LRRC37A3: variants seen among roughly 807,000 people sequenced by gnomAD.
LRRC37A3 encodes leucine rich repeat containing 37 member A3, also known as leucine-rich repeat-containing protein 37A3.
Under a neutral mutation model 106.2 loss-of-function variants are expected in LRRC37A3, and 25 were observed. That is an observed-to-expected ratio of 0.24 (90% CI 0.17 to 0.33). The LOEUF is 0.33. LRRC37A3 is among the 10% of genes least tolerant of loss of function. The pLI is 1.00. For missense variants in LRRC37A3, 712 were observed against 1,644.9 expected (o/e 0.43, Z 9.81); for synonymous variants, 305 against 635.8 (o/e 0.48, Z 7.83).
At position 64,860,209 on chromosome 17, in the gene LRRC37A3, G is replaced by T. The variant is rs139741056; in HGVS notation, c.3937C>A (p.Arg1313Ser). 32 of 1,613,844 alleles carry T rather than the reference G, an allele frequency of 2.0e-5. No homozygotes were observed. Among genetic ancestry groups the T allele is most frequent in the Non-Finnish European group, 2.7e-5 (32 of 1,179,872 alleles). The change falls in exon 12 of 15, where the codon CGC becomes AGC. Residue 1313 changes from arginine to serine, a missense_variant. By Grantham distance (110) the Arg-to-Ser change is moderately radical. Coordinates refer to ENST00000584306, the MANE Select transcript of LRRC37A3 (RefSeq NM_199340.5). Reference protein sequence around the residue: ...KKYRFHKTRSRMTHRTPKVKK... With the variant: ...KKYRFHKTRSSMTHRTPKVKK... ...ACCTTGGGTGTTCTGTGGGTCATGC[G>T]GGAGCGAGTTTTGTGAAAGCGGTAT... is the stretch of plus-strand genomic sequence containing the variant.
rs762606857 is a variant in LRRC37A3 at position 64,880,766 on chromosome 17, GT to G, written c.2906+5319del. 4.8e-3 allele frequency among the ~76,000 whole-genome samples: 697 copies of G among 145,624 alleles called. 2 individuals carry two copies. Among genetic ancestry groups the G allele is most frequent in the Middle Eastern group, 0.011 (3 of 278 alleles). On this transcript the variant is annotated intron_variant, in intron 8 of 14. Coordinates refer to ENST00000584306, the MANE Select transcript of LRRC37A3 (RefSeq NM_199340.5). ...CAAAATAAGGGAACATTTCTTGCCTGTTTTTTTTTTTCCCCTCCAAATTCTT... is the reference window on the plus strand; with the variant it reads ...CAAAATAAGGGAACATTTCTTGCCTGTTTTTTTTTTCCCCTCCAAATTCTT...
intron 8 of LRRC37A3, among the ~76,000 whole-genome samples, chr17:64,882,726 C>T (rs1973745109): frequency 6.6e-6 from 1 of 151,692 alleles, no homozygotes; most frequent in African/African-American, 2.4e-5. Flanking sequence ...CCACACCTAC[C>T]TCACTAATAT....
chr17:64,916,526 C>T (rs1384128863), intron 2 of LRRC37A3, among the ~76,000 whole-genome samples: 4 of 150,986 alleles, frequency 2.6e-5, no homozygotes, highest in African/African-American at 9.7e-5. Flanking sequence ...CCTGTAATCT[C>T]AGCACTTTGG....
intron 14 of LRRC37A3, 121 bp downstream of exon 14, chr17:64,855,719 T>C (rs1972654385): frequency 6.6e-7 from 1 of 1,521,014 alleles, no homozygotes; most frequent in Admixed American, 1.8e-5. Flanking sequence ...GGAGAATCGC[T>C]TGAACCTGGG....
chr17:64,877,669 A>G (rs988642122), intron 8 of LRRC37A3, among the ~76,000 whole-genome samples: 4 of 152,258 alleles, frequency 2.6e-5, no homozygotes. Flanking sequence ...TAGTTCTAAA[A>G]TAATAATGCA....
intron 5 of LRRC37A3, among the ~76,000 whole-genome samples, chr17:64,890,951 G>A (rs1299385988): frequency 1.0e-4 from 6 of 58,890 alleles, no homozygotes; most frequent in Non-Finnish European, 1.2e-4. Context: ...TCGCCCTATC[G>A]GCCAGGCTGG....
chr17:64,854,557 A>G lies in LRRC37A3; in HGVS notation c.*42T>C. 6.2e-7 allele frequency: 1 copy of G among 1,613,590 alleles called. No homozygotes were observed. Among genetic ancestry groups the G allele is most frequent in the Middle Eastern group, 1.7e-4 (1 of 6,046 alleles). Reference sequence around the variant, plus strand: ...TTTTTTGATGGCCGTTGTTTACGCTATGTATTTTTGCAGGAGGCCTGAGGT... The same window carrying G: ...TTTTTTGATGGCCGTTGTTTACGCTGTGTATTTTTGCAGGAGGCCTGAGGT... On this transcript the variant is annotated 3_prime_UTR_variant, in exon 15 of 15. Transcript: ENST00000584306.
chr17:64,916,583 C>T (rs3972256), intron 2 of LRRC37A3, among the ~76,000 whole-genome samples: 12 of 142,778 alleles, frequency 8.4e-5, no homozygotes, highest in African/African-American at 2.6e-4. Context: ...CGAAATCAGT[C>T]TGGGCAACAT....
At chr17:64,890,213 C>T (rs1020411417) in intron 5 of LRRC37A3, among the ~76,000 whole-genome samples, 88 of 139,806 alleles carry the variant, frequency 6.3e-4, no homozygotes, top group Middle Eastern at 3.4e-3. Flanking sequence ...GCATAAAGTG[C>T]ACATAACATA....
At chr17:64,855,123 T>G (rs1972632923) in intron 14 of LRRC37A3, among the ~76,000 whole-genome samples, 1 of 152,124 alleles carries the variant, frequency 6.6e-6, no homozygotes, top group African/African-American at 2.4e-5. Flanking sequence ...GCCTGGCCTT[T>G]CTGGTTAAAA....
chr17:64,872,559 C>G (rs550612655), intron 8 of LRRC37A3, among the ~76,000 whole-genome samples: 1 of 152,322 alleles, frequency 6.6e-6, no homozygotes, highest in Non-Finnish European at 1.5e-5. Flanking sequence ...GTGCTAAAGC[C>G]TCTCCACAGA....
At chr17:64,866,984 C>T (rs1277930013) in intron 10 of LRRC37A3, among the ~76,000 whole-genome samples, 1 of 151,326 alleles carries the variant, frequency 6.6e-6, no homozygotes, top group East Asian at 1.9e-4. Flanking sequence ...AGATACATCA[C>T]ATATGCAAAT....
intron 1 of LRRC37A3, 127 bp downstream of exon 1, chr17:64,919,304 C>A (rs932489553): frequency 4.1e-5 from 24 of 587,246 alleles, no homozygotes; most frequent in African/African-American, 4.1e-4. Flanking sequence ...CGGGAAGGGG[C>A]GGGCGCAATG....
At chr17:64,857,575 C>T (rs1180803406) in intron 13 of LRRC37A3, among the ~76,000 whole-genome samples, 3 of 152,138 alleles carry the variant, frequency 2.0e-5, no homozygotes, top group East Asian at 3.9e-4. Context: ...ACTGCATCCT[C>T]GACCTCCCAG....
At chr17:64,918,629 CTAGCAGAGCAGGTATTTTCA>C (rs1466167241) in intron 2 of LRRC37A3, 101 bp downstream of exon 2, 1 of 176,012 alleles carries the variant, frequency 5.7e-6, no homozygotes, top group Admixed American at 6.4e-5. Flanking sequence ...TAGAAGCCCC[CTAGCAGAGCAGGTATTTTCA>C]TAGACAAATT....
intron 8 of LRRC37A3, among the ~76,000 whole-genome samples, chr17:64,872,609 A>G (rs1308899859): frequency 6.6e-6 from 1 of 152,228 alleles, no homozygotes; most frequent in Non-Finnish European, 1.5e-5. Flanking sequence ...GTGTTTGAAC[A>G]TGGCAACTGT....
At chr17:64,866,630 T>A (rs376814680) in intron 10 of LRRC37A3, among the ~76,000 whole-genome samples, 148 of 15,586 alleles carry the variant, frequency 9.5e-3, no homozygotes, top group East Asian at 0.033. Context: ...ATATATATAT[T>A]TTTTTTTTTT....
At position 64,860,542 on chromosome 17, in the gene LRRC37A3, C is replaced by G. The variant is rs140182770; in HGVS notation, c.3604G>C (p.Glu1202Gln). 4 of 1,612,736 alleles carry G rather than the reference C, an allele frequency of 2.5e-6. No homozygotes were observed. The highest frequency in any genetic ancestry group is 2.2e-5 in the East Asian group (1 of 44,876). Residue 1202 changes from glutamate to glutamine, a missense_variant, in exon 12 of 15, where the codon GAA becomes CAA. Physicochemically the swap from Glu to Gln is conservative, Grantham distance 29 (BLOSUM62 2). Transcript: ENST00000584306. ...GAQASVENTA[E>Q]EKRLGSPAPR... ...GCTGGACTTCCGAGCCTTTTTTCTT[C>G]GGCAGTGTTCTCCACAGATGCCTGG...
chr17:64,860,993 T>C lies in LRRC37A3; in HGVS notation c.3173-20A>G, dbSNP rs370337741. On this transcript the variant is annotated intron_variant, in intron 11 of 14. Transcript: ENST00000584306. ...CTTCAGCTGTCAAAAAAGAAGAGAC[T>C]GCTTTGATCATGAAAGATGATGGGA... The C allele has an allele frequency of 3.7e-6, 6 of 1,613,694 alleles. No individual in the cohort carries two copies. Among genetic ancestry groups the C allele is most frequent in the Non-Finnish European group, 5.1e-6 (6 of 1,179,856 alleles).
Sources: gnomAD v4.1 joint callset for allele counts (sites outside exome capture counted in the v4.1 genomes callset) on GRCh38, gnomAD v4.1.1 for gene constraint, MANE v1.5 for transcripts, NCBI Gene and HGNC (gene_info 2026-07-23, HGNC 2026-07-21) for gene names.